The following ATG7 variants were observed in gnomAD, a reference collection of about 807,000 sequenced individuals.
ATG7 encodes ubiquitin-like modifier-activating enzyme ATG7.
In ATG7, 70 loss-of-function variants were observed where a neutral mutation model predicts 82.4. That is an observed-to-expected ratio of 0.85 (90% CI 0.70 to 1.04). The LOEUF (loss-of-function observed/expected upper bound fraction) is 1.04. ATG7 is among the 50% of genes least tolerant of loss of function. The pLI is 0.00. For missense variants in ATG7, 792 were observed against 864.3 expected (o/e 0.92, Z 1.05); for synonymous variants, 287 against 313.0 (o/e 0.92, Z 0.88).
intron 5 of ATG7, 100 bp downstream of exon 5, chr3:11,299,516 G>T: frequency 8.0e-7 from 1 of 1,244,842 alleles, no homozygotes; most frequent in African/African-American, 1.5e-5. Flanking sequence ...GGAGGACTAG[G>T]GAAGTTCCCG....
At chr3:11,559,225 G>A, downstream of ATG7, 1 of 1,430,304 alleles carries the variant, frequency 7.0e-7, no homozygotes, top group African/African-American at 1.4e-5. Flanking sequence ...TTCAACCTCA[G>A]CAATAGATGG....
intron 19 of ATG7, among the ~76,000 whole-genome samples, chr3:11,420,293 A>G (rs940434330): frequency 6.6e-6 from 1 of 152,220 alleles, no homozygotes; most frequent in Non-Finnish European, 1.5e-5. Context: ...AGCCAGTGCT[A>G]TTAATAATGT....
At chr3:11,492,661 A>T (rs922249324) in intron 20 of ATG7, among the ~76,000 whole-genome samples, 7 of 152,064 alleles carry the variant, frequency 4.6e-5, no homozygotes, top group African/African-American at 1.2e-4. Flanking sequence ...ACTTGGGTCC[A>T]CTCACTCCAC....
At chr3:11,335,643 A>G (rs1481459964) in intron 11 of ATG7, among the ~76,000 whole-genome samples, 1 of 152,124 alleles carries the variant, frequency 6.6e-6, no homozygotes, top group African/African-American at 2.4e-5. Context: ...AAAGTCACTG[A>G]GTTATTCTTA....
rs922593656 is a variant in ATG7, at chr3:11,333,237, C to A, written c.889+144C>A. 1.9e-5 allele frequency: 21 copies of A among 1,122,036 alleles called. No homozygotes were observed. In the African/African-American group the frequency reaches 3.1e-4, roughly 17 times the overall value. 69.5% of individuals were successfully genotyped at this position (1,122,036 alleles called of 1,614,324 possible). A position where few individuals can be genotyped will look rare whatever the true frequency, so the allele number is the denominator to read the frequency against. On this transcript the variant is annotated intron_variant, in intron 11 of 20. Transcript: ENST00000693202. ...ACCTCTTTGCCAATGCAGACACCTA[C>A]TTCGAACAGAGGGCATGCTCTGCTA...
chr3:11,420,332 A>G (rs1281600149), intron 19 of ATG7, among the ~76,000 whole-genome samples: 1 of 152,180 alleles, frequency 6.6e-6, no homozygotes, highest in Non-Finnish European at 1.5e-5. Context: ...GTACATCCTC[A>G]TTATGGAGGA....
intron 19 of ATG7, among the ~76,000 whole-genome samples, chr3:11,392,109 A>G (rs775629372): frequency 6.6e-6 from 1 of 152,184 alleles, no homozygotes; most frequent in African/African-American, 2.4e-5. Flanking sequence ...TTCAGACTGT[A>G]GCATCTTGAA....
At chr3:11,490,135 G>A (rs2090192090) in intron 20 of ATG7, among the ~76,000 whole-genome samples, 1 of 152,032 alleles carries the variant, frequency 6.6e-6, no homozygotes, top group Non-Finnish European at 1.5e-5. Flanking sequence ...GGTCACTCAG[G>A]ACTTGCTTTA....
intron 20 of ATG7, among the ~76,000 whole-genome samples, chr3:11,461,206 G>T (rs2086268123): frequency 6.6e-6 from 1 of 152,308 alleles, no homozygotes; most frequent in African/African-American, 2.4e-5. Flanking sequence ...GGAAAAATAA[G>T]AAATGCAGAG....
At chr3:11,379,277 C>A (rs940155623) in intron 18 of ATG7, among the ~76,000 whole-genome samples, 1 of 152,128 alleles carries the variant, frequency 6.6e-6, no homozygotes, top group Non-Finnish European at 1.5e-5. Flanking sequence ...CAGCTTAAAG[C>A]TCCCCCTTTG....
chr3:11,478,451 G>A (rs1056022156), intron 20 of ATG7, among the ~76,000 whole-genome samples: 2 of 152,208 alleles, frequency 1.3e-5, no homozygotes, highest in African/African-American at 4.8e-5. Context: ...TATTAAAGAT[G>A]CCTGCTATGA....
At chr3:11,337,268 C>A (rs757897971) in intron 11 of ATG7, among the ~76,000 whole-genome samples, 7 of 152,180 alleles carry the variant, frequency 4.6e-5, no homozygotes, top group Admixed American at 6.5e-5. Context: ...TCCTGGCCAA[C>A]ATGGTGAAAC....
rs538740758 is a variant in ATG7 at position 11,348,235 on chromosome 3, C to G, written c.1284+200C>G. On this transcript the variant is annotated intron_variant, in intron 14 of 20. Transcript: ENST00000693202. ...CCAGGTCAGGCATGGTGGCTCATAC[C>G]TGCAATCCCAGTGTGTCTGGAGTTG... 2.6e-5 allele frequency: 17 copies of G among 651,506 alleles called. No homozygotes were observed. The South Asian group carries it at 2.9e-4, about 11-fold the overall frequency. 40.4% of individuals were successfully genotyped at this position (651,506 alleles called of 1,614,324 possible).
chr3:11,572,528 T>C, the ATG7 span, among the ~76,000 whole-genome samples: 1 of 152,184 alleles, frequency 6.6e-6, no homozygotes, highest in Non-Finnish European at 1.5e-5. Context: ...CAGGCCCTCC[T>C]CAGTCCCATT....
chr3:11,438,910 A>G (rs1044991906), intron 20 of ATG7, among the ~76,000 whole-genome samples: 9 of 152,096 alleles, frequency 5.9e-5, no homozygotes, highest in Non-Finnish European at 1.2e-4. Flanking sequence ...TGTGACCGCT[A>G]TTCTAGGGGC....
At chr3:11,488,990 C>T (rs890220788) in intron 20 of ATG7, among the ~76,000 whole-genome samples, 2 of 152,058 alleles carry the variant, frequency 1.3e-5, no homozygotes, top group Non-Finnish European at 2.9e-5. Flanking sequence ...ACCAGTTCCT[C>T]CTTGTACCTC....
At chr3:11,431,444 G>A (rs2082881291) in intron 20 of ATG7, among the ~76,000 whole-genome samples, 1 of 152,142 alleles carries the variant, frequency 6.6e-6, no homozygotes, top group Admixed American at 6.5e-5. Context: ...GCAGTTCAGT[G>A]GTTTTTAGTA....
chr3:11,321,604 A>G (rs1950233952), intron 9 of ATG7, among the ~76,000 whole-genome samples: 1 of 152,190 alleles, frequency 6.6e-6, no homozygotes, highest in Admixed American at 6.5e-5. Flanking sequence ...ATAGTGAAAA[A>G]GGAAGCAGCC....
rs576759991 is a variant in ATG7 at position 11,374,982 on chromosome 3, C to T, written c.1876-4990C>T. 6.7e-5 allele frequency among the ~76,000 whole-genome samples: 10 copies of T among 148,256 alleles called. No homozygotes were observed. The East Asian group carries it at 7.9e-4, about 12-fold the overall frequency. ...GCTTGGGAGGCCAAGGTGGGAGGAT[C>T]GCTTGAGCCCTGAGTCCAAGACCAG... On this transcript the variant is annotated intron_variant, in intron 18 of 20. Coordinates refer to ENST00000693202, the MANE Select transcript of ATG7 (RefSeq NM_001349232.2).
Sources: gnomAD v4.1 joint callset for allele counts (sites outside exome capture counted in the v4.1 genomes callset) on GRCh38, gnomAD v4.1.1 for gene constraint, MANE v1.5 for transcripts, NCBI Gene and HGNC (gene_info 2026-07-23, HGNC 2026-07-21) for gene names.